The following RABGAP1 variants were observed in gnomAD, a reference collection of about 807,000 sequenced individuals.
RABGAP1 encodes the protein rab GTPase-activating protein 1.
RABGAP1 carries 23 observed loss-of-function variants against 137.6 expected under a neutral mutation model. The observed-to-expected ratio is 0.17, with a 90% CI of 0.12 to 0.24. The LOEUF is 0.24. Ranked by LOEUF, RABGAP1 falls within the 10% of genes least tolerant of loss-of-function variation. The pLI is 1.00. For synonymous variants in RABGAP1, 451 were observed against 450.7 expected (o/e 1.00, Z -0.01); for missense variants, 906 against 1,275.8 (o/e 0.71, Z 4.42).
chr9:123,021,917 C>T (rs117990568), intron 13 of RABGAP1, among the ~76,000 whole-genome samples: 2,774 of 152,228 alleles, frequency 0.018, 31 homozygotes, highest in South Asian at 0.026. Context: ...GTTAACAGTT[C>T]TATCTGGGAG....
intron 2 of RABGAP1, 22 bp downstream of exon 2, chr9:122,957,231 T>C (rs1834574626): frequency 6.7e-7 from 1 of 1,487,148 alleles, no homozygotes; most frequent in Non-Finnish European, 9.1e-7. Flanking sequence ...TAACCTAAGA[T>C]TGTTTTGCTT....
chr9:123,004,025 C>A (rs750583528), intron 10 of RABGAP1, among the ~76,000 whole-genome samples: 2 of 152,150 alleles, frequency 1.3e-5, no homozygotes, highest in Non-Finnish European at 2.9e-5. Context: ...GATACCCGGG[C>A]CTCTTATTTT....
At chr9:123,014,250 A>C (rs2031046382) in intron 11 of RABGAP1, among the ~76,000 whole-genome samples, 1 of 152,096 alleles carries the variant, frequency 6.6e-6, no homozygotes, top group Non-Finnish European at 1.5e-5. Context: ...CACTTATTTC[A>C]CTGTCTTCAT....
At chr9:123,099,742 A>G (rs1306192023) in intron 24 of RABGAP1, among the ~76,000 whole-genome samples, 193 bp downstream of exon 24, 1 of 152,206 alleles carries the variant, frequency 6.6e-6, no homozygotes, top group Non-Finnish European at 1.5e-5. Flanking sequence ...TACAGATGAA[A>G]TCAAACAAGC....
chr9:123,073,543 C>G lies in RABGAP1; in HGVS notation c.1984-9C>G. The G allele has an allele frequency of 6.2e-7, 1 of 1,610,324 alleles. No homozygotes were observed. Among genetic ancestry groups the G allele is most frequent in the Non-Finnish European group, 8.5e-7 (1 of 1,178,614 alleles). On this transcript the variant is annotated splice_polypyrimidine_tract_variant and intron_variant, in intron 15 of 25. Transcript: ENST00000373647. Reference sequence around the variant, plus strand: ...CCTCCCTACCCAACAACTTGCCTATCTGTTACAGATGCCTGAAGAACAGGC... The same window carrying G: ...CCTCCCTACCCAACAACTTGCCTATGTGTTACAGATGCCTGAAGAACAGGC...
intron 10 of RABGAP1, among the ~76,000 whole-genome samples, chr9:123,008,787 G>A (rs955481312): frequency 3.3e-5 from 5 of 152,044 alleles, no homozygotes; most frequent in Non-Finnish European, 7.4e-5. Context: ...GAGTACTTGT[G>A]GAACTTGGAT....
rs1005219570 is a variant in RABGAP1 at position 123,015,644 on chromosome 9, A to G, written c.1643+8A>G. The G allele has an allele frequency of 1.5e-5, 23 of 1,584,564 alleles. No individual in the cohort carries two copies. The highest frequency in any genetic ancestry group is 1.9e-5 in the Non-Finnish European group (22 of 1,156,188). On this transcript the variant is annotated splice_region_variant and intron_variant, in intron 12 of 25. Transcript: ENST00000373647. The stretch of plus-strand genomic sequence containing the variant: ...AGAACTGTTGTCAAAATGGTAAGTT[A>G]TGATAGAATAGTTTTTTTTATCTGC...
intron 10 of RABGAP1, among the ~76,000 whole-genome samples, chr9:123,009,290 A>G (rs985514522): frequency 1.3e-5 from 2 of 152,242 alleles, no homozygotes; most frequent in Admixed American, 6.5e-5. Context: ...CTTCAAGATG[A>G]TATTGAAAGA....
intron 3 of RABGAP1, among the ~76,000 whole-genome samples, chr9:122,985,611 C>CAAAAA (rs34147826): frequency 8.8e-5 from 8 of 91,104 alleles, no homozygotes; most frequent in East Asian, 4.3e-4. Flanking sequence ...GACTCCGTCT[C>CAAAAA]AAAAAAAAAA....
intron 1 of RABGAP1, among the ~76,000 whole-genome samples, chr9:122,950,281 T>G (rs964814761): frequency 3.9e-5 from 6 of 152,026 alleles, no homozygotes; most frequent in Non-Finnish European, 5.9e-5. Flanking sequence ...GGGATATGTT[T>G]TAGAACTAAA....
chr9:123,015,908 T>C (rs1262905662), intron 12 of RABGAP1, among the ~76,000 whole-genome samples: 2 of 152,172 alleles, frequency 1.3e-5, no homozygotes, highest in Non-Finnish European at 2.9e-5. Flanking sequence ...GTATCTTTTA[T>C]GTTGAAGAGG....
intron 13 of RABGAP1, among the ~76,000 whole-genome samples, chr9:123,026,754 A>G (rs1400288165): frequency 1.3e-5 from 2 of 152,176 alleles, no homozygotes; most frequent in African/African-American, 4.8e-5. Context: ...AAACAAAGGC[A>G]CTTTCTTGTT....
Position 123,103,143 on chromosome 9 carries a change from A to G in RABGAP1, c.3140A>G (p.Lys1047Arg). ...LALNEVQAAK[K>R]TWFNRTLSSI... ...CTCAATGAGGTGCAGGCAGCCAAGA[A>G]GACGTGGTTTAACCGAACACTGAGC... The change falls in exon 26 of 26, where the codon AAG (lysine) becomes AGG (arginine). Residue 1047 changes from lysine to arginine, a missense_variant. Physicochemically the swap from Lys to Arg is conservative, Grantham distance 26. This residue lies in a region of RABGAP1 where 193 missense variants were observed against 248.1 expected (regional missense o/e 0.78). Coordinates refer to ENST00000373647, the MANE Select transcript of RABGAP1 (RefSeq NM_012197.4). 6.2e-7 allele frequency: 1 copy of G among 1,614,164 alleles called. No homozygotes were observed. Among genetic ancestry groups the G allele is most frequent in the Non-Finnish European group, 8.5e-7 (1 of 1,180,008 alleles).
intron 12 of RABGAP1, 86 bp downstream of exon 12, chr9:123,015,722 C>G: frequency 1.2e-6 from 1 of 869,382 alleles, no homozygotes; most frequent in Non-Finnish European, 1.8e-6. Context: ...AATTTTGGAA[C>G]CAGTAGTAGA....
intron 13 of RABGAP1, among the ~76,000 whole-genome samples, chr9:123,056,823 G>A (rs1011478938): frequency 6.6e-6 from 1 of 152,154 alleles, no homozygotes; most frequent in African/African-American, 2.4e-5. Context: ...AGGATCCCAA[G>A]GCAGAAGAAT....
chr9:122,983,408 G>GA (rs1056302653), intron 2 of RABGAP1, among the ~76,000 whole-genome samples: 38 of 152,202 alleles, frequency 2.5e-4, no homozygotes, highest in African/African-American at 8.9e-4. Context: ...ATTTCCTTGG[G>GA]AAAATGTCCG....
intron 2 of RABGAP1, among the ~76,000 whole-genome samples, chr9:122,973,265 TCTCGCTCTGCTG>T (rs1157443345): frequency 6.6e-6 from 1 of 152,084 alleles, no homozygotes; most frequent in Non-Finnish European, 1.5e-5. Flanking sequence ...TGAGACGGAG[TCTCGCTCTGCTG>T]CCCAGGCTGG....
chr9:122,995,348 A>G (rs7863124), intron 6 of RABGAP1, among the ~76,000 whole-genome samples: 32,192 of 152,034 alleles, frequency 0.21, 4,719 homozygotes, highest in East Asian at 0.65. Flanking sequence ...TTTCTTCATT[A>G]TATGTTTAAG....
At chr9:123,035,492 G>A in intron 13 of RABGAP1, 1 of 1,614,050 alleles carries the variant, frequency 6.2e-7, no homozygotes, top group Non-Finnish European at 8.5e-7. Context: ...CTCTCCAACA[G>A]TGTATTCCAA....
Sources: gnomAD v4.1 joint callset for allele counts (sites outside exome capture counted in the v4.1 genomes callset) on GRCh38, gnomAD v4.1.1 for gene constraint, gnomAD v4.1.1 regional missense constraint, MANE v1.5 for transcripts, NCBI Gene and HGNC (gene_info 2026-07-23, HGNC 2026-07-21) for gene names.